Variants in THRB observed in about 807,000 individuals in gnomAD.
The protein encoded by THRB is nuclear receptor subfamily 1 group A member 2.
In THRB, 12 loss-of-function variants were observed where a neutral mutation model predicts 47.8. The observed-to-expected ratio is 0.25, with a 90% CI of 0.16 to 0.41. THRB has a LOEUF of 0.41. Among genes scored for constraint, THRB ranks in the 10% least tolerant of loss-of-function variants. The pLI, the probability that THRB is intolerant of heterozygous loss-of-function variation, is 1.00. For missense variants in THRB, 348 were observed against 589.2 expected, an observed-to-expected ratio of 0.59 and a Z score of 4.24; for synonymous variants, 218 against 212.2, an observed-to-expected ratio of 1.03 and a Z score of -0.24.
intron 3 of THRB, among the ~76,000 whole-genome samples, chr3:24,258,651 A>G (rs948219961): frequency 8.5e-5 from 13 of 152,304 alleles, no homozygotes; most frequent in African/African-American, 1.2e-4. Flanking sequence ...GTGCAGGCTC[A>G]GTGTGGATCT....
At chr3:24,152,262 G>A in intron 6 of THRB, 128 bp downstream of exon 6, 1 of 626,190 alleles carries the variant, frequency 1.6e-6, no homozygotes, top group East Asian at 2.8e-5. Flanking sequence ...ACACCTGGAT[G>A]ATCACAGACC....
At chr3:24,149,615 T>C (rs1175397285) in intron 6 of THRB, among the ~76,000 whole-genome samples, 3 of 152,252 alleles carry the variant, frequency 2.0e-5, no homozygotes, top group Non-Finnish European at 4.4e-5. Context: ...TGATGACTTG[T>C]CTTGGGCACT....
At chr3:24,329,737 T>C (rs2061798987) in intron 2 of THRB, among the ~76,000 whole-genome samples, 1 of 152,224 alleles carries the variant, frequency 6.6e-6, no homozygotes, top group Non-Finnish European at 1.5e-5. Context: ...GACATTTGTT[T>C]AATGAAAGAA....
At chr3:24,129,186 T>C (rs1194368779) in intron 9 of THRB, among the ~76,000 whole-genome samples, 1 of 152,196 alleles carries the variant, frequency 6.6e-6, no homozygotes, top group African/African-American at 2.4e-5. Flanking sequence ...ACATATGAAT[T>C]CTCTCCTTCC....
rs180828406 is a variant in THRB, at chr3:24,154,482, A to G, written c.284-1992T>C. Among the ~76,000 whole-genome samples, 443 of 152,310 alleles carry G rather than the reference A, an allele frequency of 2.9e-3. 2 individuals carry two copies. Among genetic ancestry groups the G allele is most frequent in the Non-Finnish European group, 4.9e-3 (332 of 68,014 alleles). On this transcript the variant is annotated intron_variant, in intron 5 of 10. Transcript: ENST00000646209. ...TTGGTCATTCTTCAATGAGAAAAAG[A>G]GAGGTGAAAATGAAGGGAAGAACAT...
intron 9 of THRB, among the ~76,000 whole-genome samples, chr3:24,131,330 A>T (rs372088169): frequency 6.6e-6 from 1 of 152,226 alleles, no homozygotes; most frequent in African/African-American, 2.4e-5. Context: ...ATGAATACGT[A>T]TAATTTTTGT....
intron 1 of THRB, among the ~76,000 whole-genome samples, chr3:24,380,012 C>T (rs1279222857): frequency 2.6e-5 from 4 of 151,080 alleles, no homozygotes; most frequent in South Asian, 2.1e-4. Flanking sequence ...ATGCCCATTG[C>T]CTTGGCCCTG....
intron 2 of THRB, among the ~76,000 whole-genome samples, chr3:24,323,355 G>C (rs1051138131): frequency 6.6e-6 from 1 of 152,008 alleles, no homozygotes; most frequent in East Asian, 1.9e-4. Flanking sequence ...TTTTCAAATA[G>C]CATTCTTAGG....
chr3:24,353,357 C>T (rs1433422220), intron 1 of THRB, among the ~76,000 whole-genome samples: 3 of 152,080 alleles, frequency 2.0e-5, no homozygotes, highest in African/African-American at 7.2e-5. Flanking sequence ...ACTCATGTCA[C>T]CCAGCTGGCT....
At chr3:24,347,281 CA>C (rs1249445102) in intron 1 of THRB, among the ~76,000 whole-genome samples, 1 of 151,578 alleles carries the variant, frequency 6.6e-6, no homozygotes, top group East Asian at 1.9e-4. Context: ...ATGCATGTAT[CA>C]GAAAAAATGA....
At chr3:24,428,427 C>T (rs2070000749) in intron 1 of THRB, among the ~76,000 whole-genome samples, 1 of 152,048 alleles carries the variant, frequency 6.6e-6, no homozygotes, top group Non-Finnish European at 1.5e-5. Flanking sequence ...GTGATCAAGC[C>T]TGTCTCTTAG....
chr3:24,403,276 T>A (rs149456572), intron 1 of THRB, among the ~76,000 whole-genome samples: 1 of 152,074 alleles, frequency 6.6e-6, no homozygotes, highest in East Asian at 1.9e-4. Flanking sequence ...GAAAGAATAC[T>A]CTTACTTCAA....
chr3:24,121,018 A>G lies in THRB; in HGVS notation c.*1866T>C, dbSNP rs886058287. 2 of 152,178 alleles carry G rather than the reference A, an allele frequency of 1.3e-5. No individual in the cohort carries two copies. The highest frequency in any genetic ancestry group is 2.4e-5 in the African/African-American group (1 of 41,444). 9.4% of individuals were successfully genotyped at this position (152,178 alleles called of 1,614,324 possible). ...AAATGGTTGACTAGTATTGTGTCAA[A>G]TTATTATTTCGAGCCAATAACAAAT... On this transcript the variant is annotated 3_prime_UTR_variant, in exon 11 of 11. Transcript: ENST00000646209.
At chr3:24,332,343 T>C (rs181252428) in intron 2 of THRB, among the ~76,000 whole-genome samples, 5 of 152,328 alleles carry the variant, frequency 3.3e-5, no homozygotes, top group East Asian at 1.9e-4. Context: ...CTGCTGACGA[T>C]AGAACCACGA....
intron 2 of THRB, among the ~76,000 whole-genome samples, chr3:24,311,772 A>G (rs912222903): frequency 6.6e-6 from 1 of 152,186 alleles, no homozygotes; most frequent in African/African-American, 2.4e-5. Flanking sequence ...CACCTGGATT[A>G]TAGAACAGCC....
At chr3:24,359,387 T>A (rs1332863697) in intron 1 of THRB, among the ~76,000 whole-genome samples, 1 of 152,140 alleles carries the variant, frequency 6.6e-6, no homozygotes, top group African/African-American at 2.4e-5. Flanking sequence ...AAAGCAGGTG[T>A]TCCAGTGAAC....
chr3:24,277,121 G>A (rs1232748023), intron 3 of THRB, among the ~76,000 whole-genome samples: 2 of 152,162 alleles, frequency 1.3e-5, no homozygotes, highest in Non-Finnish European at 2.9e-5. Flanking sequence ...CCTGTGTCAG[G>A]GTTGGAAGTT....
Position 24,122,759 on chromosome 3 carries a change from C to T in THRB, c.*125G>A. The T allele has an allele frequency of 1.4e-6, 2 of 1,379,874 alleles. No individual in the cohort carries two copies. The highest frequency in any genetic ancestry group is 2.1e-6 in the Non-Finnish European group (2 of 975,486). The allele number at this position is 1,379,874 out of a possible 1,614,324, so 85.5% of individuals were successfully genotyped here. ...ATTTCATCCATGTCTATGCCAAGGA[C>T]TACTTCCCTTTTCCCTCCCAAATAA... is the stretch of plus-strand genomic sequence containing the variant. On this transcript the variant is annotated 3_prime_UTR_variant, in exon 11 of 11. Coordinates refer to ENST00000646209, the MANE Select transcript of THRB (RefSeq NM_001354712.2).
At chr3:24,397,145 G>A (rs1483582834) in intron 1 of THRB, among the ~76,000 whole-genome samples, 3 of 152,092 alleles carry the variant, frequency 2.0e-5, no homozygotes, top group Non-Finnish European at 4.4e-5. Flanking sequence ...AAAACATTCA[G>A]ATGTTGTTAA....
Sources: allele counts gnomAD v4.1 joint callset (sites outside exome capture counted in the v4.1 genomes callset), GRCh38; gene constraint gnomAD v4.1.1; transcripts MANE v1.5; gene names NCBI Gene and HGNC (gene_info 2026-07-23, HGNC 2026-07-21).